Variants in PALLD observed in about 807,000 individuals in gnomAD.
PALLD encodes palladin, cytoskeletal associated protein.
PALLD carries 61 observed loss-of-function variants against 123.5 expected under a neutral mutation model. That is an observed-to-expected ratio of 0.49 (90% CI 0.40 to 0.61). PALLD has a LOEUF of 0.61. PALLD is among the 20% of genes least tolerant of loss of function. PALLD has a pLI of 0.00. For synonymous variants in PALLD, 465 were observed against 496.4 expected (o/e 0.94, Z 0.84); for missense variants, 1,273 against 1,377.0 (o/e 0.92, Z 1.20).
At chr4:168,660,135 G>C (rs1268824122) in intron 2 of PALLD, among the ~76,000 whole-genome samples, 1 of 152,188 alleles carries the variant, frequency 6.6e-6, no homozygotes, top group Non-Finnish European at 1.5e-5. Flanking sequence ...GAGCCCCACT[G>C]CCAGTTGCCA....
chr4:168,534,328 G>A (rs912553310), intron 2 of PALLD, among the ~76,000 whole-genome samples: 38 of 152,190 alleles, frequency 2.5e-4, no homozygotes, highest in Non-Finnish European at 1.5e-5. Context: ...CACCATCAGC[G>A]AACGTGTTCA....
intron 3 of PALLD, among the ~76,000 whole-genome samples, chr4:168,669,459 C>T (rs189037097): frequency 9.1e-4 from 139 of 152,050 alleles, no homozygotes; most frequent in African/African-American, 3.2e-3. Context: ...GGCCTGGTGG[C>T]GTGTACTTGT....
intron 10 of PALLD, among the ~76,000 whole-genome samples, chr4:168,837,264 T>G (rs1745334249): frequency 6.6e-6 from 1 of 152,204 alleles, no homozygotes. Context: ...CTTATCAATA[T>G]GAGCTGCAGG....
intron 2 of PALLD, among the ~76,000 whole-genome samples, chr4:168,565,297 A>G (rs1429556334): frequency 6.6e-6 from 1 of 152,144 alleles, no homozygotes; most frequent in East Asian, 1.9e-4. Flanking sequence ...ATTATAGGCT[A>G]GATGTTTCAG....
chr4:168,613,819 CG>C (rs1400740813), intron 2 of PALLD, among the ~76,000 whole-genome samples: 68 of 152,224 alleles, frequency 4.5e-4, no homozygotes, highest in East Asian at 1.4e-3. Context: ...AACTAATTCA[CG>C]GGTGTATATC....
chr4:168,870,975 A>G (rs999471955), intron 10 of PALLD, among the ~76,000 whole-genome samples: 4 of 152,220 alleles, frequency 2.6e-5, no homozygotes, highest in African/African-American at 9.6e-5. Context: ...TTCAACAGAT[A>G]TTTATTGAGT....
chr4:168,840,402 C>T (rs1388519900), intron 10 of PALLD, among the ~76,000 whole-genome samples: 1 of 152,184 alleles, frequency 6.6e-6, no homozygotes, highest in Non-Finnish European at 1.5e-5. Context: ...GCTAATAAGG[C>T]AGCTGTCCAA....
intron 10 of PALLD, chr4:168,832,637 AGCTGGCG>A (rs1447637611): frequency 6.6e-6 from 1 of 152,590 alleles, no homozygotes; most frequent in Non-Finnish European, 1.5e-5. Flanking sequence ...ATTCCCTGGC[AGCTGGCG>A]GGGAGAGGGT....
At chr4:168,537,584 A>G (rs554801387) in intron 2 of PALLD, 1 of 152,210 alleles carries the variant, frequency 6.6e-6, no homozygotes, top group East Asian at 1.9e-4. Flanking sequence ...GAAATTCCTC[A>G]TATTGAATCA....
chr4:168,710,615 G>A (rs1165619859), intron 9 of PALLD, among the ~76,000 whole-genome samples: 3 of 152,140 alleles, frequency 2.0e-5, no homozygotes, highest in African/African-American at 7.2e-5. Context: ...AAAAGAAATG[G>A]GAGGGTCATC....
chr4:168,715,516 G>A (rs1398160569), intron 10 of PALLD, among the ~76,000 whole-genome samples: 1 of 152,146 alleles, frequency 6.6e-6, no homozygotes, highest in Non-Finnish European at 1.5e-5. Context: ...GAAAAAGGAG[G>A]GAATGAGCGT....
chr4:168,816,415 T>TATATATATA (rs35097396), intron 10 of PALLD, among the ~76,000 whole-genome samples: 1,425 of 135,876 alleles, frequency 0.01, 9 homozygotes, highest in African/African-American at 0.017. Context: ...ATATATATAT[T>TATATATATA]TTTTTTAAGT....
rs184825976 is a variant in PALLD, at chr4:168,502,332, T to G, written c.-83+5138T>G. Among the ~76,000 whole-genome samples, 29 of 152,288 alleles carry G rather than the reference T, an allele frequency of 1.9e-4. No individual in the cohort carries two copies. The East Asian group carries it at 3.1e-3, about 16-fold the overall frequency. ...AATAAATGCTTTTCTAGTTCCAAAT[T>G]TTTTCATGAGAAACTTTCTTTGAGG... On this transcript the variant is annotated intron_variant, in intron 1 of 21. Transcript: ENST00000505667.
At chr4:168,620,866 TC>T (rs1364102808) in intron 2 of PALLD, among the ~76,000 whole-genome samples, 5 of 152,216 alleles carry the variant, frequency 3.3e-5, no homozygotes, top group Middle Eastern at 3.2e-3. Flanking sequence ...AATGTTACTT[TC>T]CCCCACTTCT....
rs78825458 is a variant in PALLD, at chr4:168,709,622, A to G, written c.1621+475A>G. ...AGGGAGGGAGGGAGGGAAGGAAGGA[A>G]GGAAGGAAGGAAGGAAGGAAGGAAG... On this transcript the variant is annotated intron_variant, in intron 9 of 21. Coordinates refer to ENST00000505667, the MANE Select transcript of PALLD (RefSeq NM_001166108.2). Among the ~76,000 whole-genome samples the G allele has an allele frequency of 2.1e-3, 23 of 10,754 alleles. 9 individuals are homozygous for G. Among genetic ancestry groups the G allele is most frequent in the African/African-American group, 3.8e-3 (13 of 3,378 alleles). 7.1% of individuals were successfully genotyped at this position (10,754 alleles called of 152,430 possible). A position where few individuals can be genotyped will look rare whatever the true frequency, so the allele number is the denominator to read the frequency against.
At chr4:168,599,052 T>C (rs72982756) in intron 2 of PALLD, among the ~76,000 whole-genome samples, 15,059 of 152,168 alleles carry the variant, frequency 0.099, 816 homozygotes, top group Admixed American at 0.13. Context: ...TCTGTTAAAA[T>C]AACATATCCC....
intron 2 of PALLD, among the ~76,000 whole-genome samples, chr4:168,582,762 C>G (rs1334595895): frequency 1.3e-5 from 2 of 152,148 alleles, no homozygotes; most frequent in Non-Finnish European, 2.9e-5. Flanking sequence ...TCTTGCATCA[C>G]AGGGAGAAAT....
chr4:168,686,587 T>C (rs1432584210), intron 6 of PALLD: 8 of 152,324 alleles, frequency 5.3e-5, no homozygotes, highest in Admixed American at 5.2e-4. Context: ...TAGTATTCCA[T>C]AGTGTATATG....
chr4:168,794,846 A>G (rs937924391), intron 10 of PALLD, among the ~76,000 whole-genome samples: 16 of 152,176 alleles, frequency 1.1e-4, no homozygotes, highest in Admixed American at 9.8e-4. Context: ...TAGTCATAGT[A>G]GTGTGTTTTC....
Sources: allele counts gnomAD v4.1 joint callset (sites outside exome capture counted in the v4.1 genomes callset), GRCh38; gene constraint gnomAD v4.1.1; transcripts MANE v1.5; gene names NCBI Gene and HGNC (gene_info 2026-07-23, HGNC 2026-07-21).